SMC6: variants seen among roughly 807,000 people sequenced by gnomAD.
SMC6 encodes the protein structural maintenance of chromosomes 6.
A neutral mutation model predicts 142.2 loss-of-function variants in SMC6; 79 were observed. The ratio of observed to expected loss-of-function variants is 0.56; its 90% CI spans 0.46 to 0.67. The LOEUF is 0.67. SMC6 is among the 30% of genes least tolerant of loss of function. SMC6 has a pLI of 0.00. For synonymous variants in SMC6, 411 were observed against 412.4 expected, an observed-to-expected ratio of 1.00 and a Z score of 0.04; for missense variants, 1,072 against 1,284.0, an observed-to-expected ratio of 0.83 and a Z score of 2.52.
intron 4 of SMC6, among the ~76,000 whole-genome samples, chr2:17,739,827 C>G (rs1231903773): frequency 4.4e-5 from 5 of 114,584 alleles, no homozygotes; most frequent in African/African-American, 2.1e-4. Flanking sequence ...TTTAAACACA[C>G]ACACACACAC....
At position 17,725,341 on chromosome 2, in the gene SMC6, C is replaced by G; in HGVS notation, c.642G>C (p.Thr214=). Reference sequence around the variant, plus strand: ...AATCTTCCTTCATCTGTTCAAGTTGCGTTGCTTTCATGAAGAACTATTATC... The same window carrying G: ...AATCTTCCTTCATCTGTTCAAGTTGGGTTGCTTTCATGAAGAACTATTATC... ...GDKYKFFMKA[T]QLEQMKEDYS... The change falls in exon 9 of 28, where the codon ACG becomes ACC. Residue 214 remains threonine (T), a synonymous_variant. Coordinates refer to ENST00000448223, the MANE Select transcript of SMC6 (RefSeq NM_001142286.2). 6.3e-7 allele frequency: 1 copy of G among 1,599,426 alleles called. No individual in the cohort carries two copies. Among genetic ancestry groups the G allele is most frequent in the Non-Finnish European group, 8.5e-7 (1 of 1,176,090 alleles).
chr2:17,748,995 T>A (rs1040004543), intron 2 of SMC6, among the ~76,000 whole-genome samples: 1 of 152,218 alleles, frequency 6.6e-6, no homozygotes, highest in African/African-American at 2.4e-5. Context: ...GGATTTGCAG[T>A]TTGCTATTAG....
chr2:17,707,437 C>T (rs1668561426), intron 17 of SMC6, 58 bp from the exon 18 acceptor site: 3 of 1,177,510 alleles, frequency 2.5e-6, no homozygotes, highest in Non-Finnish European at 3.4e-6. Flanking sequence ...TTCTGATGTA[C>T]AGAATTTCAA....
At chr2:17,718,042 G>A in intron 12 of SMC6, 35 bp downstream of exon 12, 1 of 1,575,674 alleles carries the variant, frequency 6.3e-7, no homozygotes, top group Non-Finnish European at 8.6e-7. Context: ...TTGCTGTGTG[G>A]CTTTTAAAAT....
Position 17,731,034 on chromosome 2 carries a change from G to C in SMC6, c.543+44C>G. 3.4e-6 allele frequency: 5 copies of C among 1,481,744 alleles called. No homozygotes were observed. The South Asian group carries it at 5.8e-5, about 17-fold the overall frequency. The allele number at this position is 1,481,744 out of a possible 1,614,324, so 91.8% of individuals were successfully genotyped here. Reference sequence around the variant, plus strand: ...ACAAGTGAAATCGCACTAAAAAAATGACAAGGTGTATGAATTAATCTGAAA... The same window carrying C: ...ACAAGTGAAATCGCACTAAAAAAATCACAAGGTGTATGAATTAATCTGAAA... On this transcript the variant is annotated intron_variant, in intron 7 of 27. Coordinates refer to ENST00000448223, the MANE Select transcript of SMC6 (RefSeq NM_001142286.2).
Position 17,741,652 on chromosome 2 carries a change from C to T in SMC6, c.198G>A (p.Lys66=), listed in dbSNP as rs761494762. The change falls in exon 4 of 28, where the codon AAG becomes AAA. Residue 66 remains lysine, a synonymous_variant. Transcript: ENST00000448223. ...FMCHSMLGPF[K]FGSNVNFVVG... is the part of the protein sequence containing the mutation. The stretch of plus-strand genomic sequence containing the variant: ...CAACAAAGTTGACATTAGAACCAAA[C>T]TTAAAAGGTCCAAGCATTGAATGAC... The T allele has an allele frequency of 2.2e-5, 36 of 1,611,618 alleles. 1 individual carries two copies. The South Asian group carries it at 3.8e-4, about 17-fold the overall frequency.
At chr2:17,729,653 C>A in intron 7 of SMC6, among the ~76,000 whole-genome samples, 1 of 152,214 alleles carries the variant, frequency 6.6e-6, no homozygotes, top group Admixed American at 6.5e-5. Context: ...TCAACTCTAA[C>A]TTTTGGTTTT....
chr2:17,672,300 T>A (rs905467330), intron 25 of SMC6, among the ~76,000 whole-genome samples: 2 of 152,172 alleles, frequency 1.3e-5, no homozygotes, highest in African/African-American at 2.4e-5. Context: ...GAAGGCCACA[T>A]AAATTAAAGA....
At chr2:17,750,780 C>T (rs929127396) in intron 2 of SMC6, among the ~76,000 whole-genome samples, 2 of 152,046 alleles carry the variant, frequency 1.3e-5, no homozygotes, top group African/African-American at 4.8e-5. Flanking sequence ...GCAGGCGGAT[C>T]ACCTGAGGTC....
chr2:17,751,924 T>G (rs1671059677), intron 2 of SMC6, among the ~76,000 whole-genome samples: 1 of 152,230 alleles, frequency 6.6e-6, no homozygotes, highest in African/African-American at 2.4e-5. Context: ...TACATAAAAT[T>G]CTACAGATTC....
intron 26 of SMC6, among the ~76,000 whole-genome samples, chr2:17,667,616 G>A (rs1666559981): frequency 6.6e-6 from 1 of 152,168 alleles, no homozygotes; most frequent in African/African-American, 2.4e-5. Context: ...TTGGGAGATT[G>A]AGGCAGGTGG....
chr2:17,737,472 C>T (rs552145146), intron 5 of SMC6, among the ~76,000 whole-genome samples: 18 of 152,286 alleles, frequency 1.2e-4, no homozygotes, highest in Admixed American at 3.3e-4. Context: ...AAGATCCCTT[C>T]AGAGGTATCT....
chr2:17,674,283 C>T (rs1011650529), intron 25 of SMC6, among the ~76,000 whole-genome samples: 16 of 152,226 alleles, frequency 1.1e-4, no homozygotes, highest in Admixed American at 4.6e-4. Context: ...AAATTATCTT[C>T]TAATTTCTAT....
rs1671068438 is a variant in SMC6 at position 17,752,061 on chromosome 2, G to A, written c.-6+917C>T. On this transcript the variant is annotated intron_variant, in intron 2 of 27. Coordinates refer to ENST00000448223, the MANE Select transcript of SMC6 (RefSeq NM_001142286.2). ...AACTGGTTTATACGGATTGCAGACA[G>A]ATGTCGATATATAACTACATAACTT... Among the ~76,000 whole-genome samples the A allele has an allele frequency of 2.0e-5, 3 of 152,174 alleles. No homozygotes were observed. The South Asian group carries it at 6.2e-4, about 31-fold the overall frequency.
chr2:17,694,850 T>A (rs1333028627), intron 23 of SMC6, among the ~76,000 whole-genome samples: 1 of 152,218 alleles, frequency 6.6e-6, no homozygotes, highest in Non-Finnish European at 1.5e-5. Context: ...AAATGGCTTC[T>A]GTTTTGATTT....
intron 12 of SMC6, among the ~76,000 whole-genome samples, chr2:17,717,560 A>T (rs1030252450): frequency 6.6e-6 from 1 of 152,196 alleles, no homozygotes; most frequent in East Asian, 1.9e-4. Flanking sequence ...AGTCCCAGGT[A>T]CTCAGGAGAC....
intron 25 of SMC6, among the ~76,000 whole-genome samples, chr2:17,676,204 T>G (rs888289832): frequency 6.6e-6 from 1 of 152,200 alleles, no homozygotes; most frequent in African/African-American, 2.4e-5. Flanking sequence ...AATTCTGTAT[T>G]GAAATTGTGG....
At chr2:17,748,923 A>G (rs1252612926) in intron 2 of SMC6, among the ~76,000 whole-genome samples, 2 of 152,176 alleles carry the variant, frequency 1.3e-5, no homozygotes, top group African/African-American at 2.4e-5. Context: ...ACACCCAAAC[A>G]CTACGTGATG....
At position 17,699,598 on chromosome 2, in the gene SMC6, T is replaced by C. The variant is rs558585545; in HGVS notation, c.2394+610A>G. ...AATACAAATGTCAGCTATTCTGTTA[T>C]AGTTTCACAGGTCCCTAAGATGCTG... On this transcript the variant is annotated intron_variant, in intron 21 of 27. Coordinates refer to ENST00000448223, the MANE Select transcript of SMC6 (RefSeq NM_001142286.2). Among the ~76,000 whole-genome samples the C allele has an allele frequency of 3.9e-5, 6 of 152,290 alleles. No individual in the cohort carries two copies. The East Asian group carries it at 5.8e-4, about 15-fold the overall frequency.
Sources: allele counts gnomAD v4.1 joint callset (sites outside exome capture counted in the v4.1 genomes callset), GRCh38; gene constraint gnomAD v4.1.1; transcripts MANE v1.5; gene names NCBI Gene and HGNC (gene_info 2026-07-23, HGNC 2026-07-21).